The following C13orf46 variants were observed in gnomAD, a reference collection of about 807,000 sequenced individuals.
C13orf46 encodes the protein uncharacterized protein C13orf46.
chr13:113,932,657 C>T, the C13orf46 span, among the ~76,000 whole-genome samples: 1 of 152,208 alleles, frequency 6.6e-6, no homozygotes, highest in Non-Finnish European at 1.5e-5. Flanking sequence ...AATAATTTCT[C>T]CAGCTTGGCA....
the C13orf46 span, among the ~76,000 whole-genome samples, chr13:113,930,901 G>A: frequency 1.3e-5 from 2 of 152,214 alleles, no homozygotes; most frequent in African/African-American, 2.4e-5. Context: ...AGGTCTCTTG[G>A]GCTGACCTCA....
chr13:113,944,337 G>A, the C13orf46 span, among the ~76,000 whole-genome samples: 34 of 152,318 alleles, frequency 2.2e-4, no homozygotes, highest in African/African-American at 7.5e-4. Flanking sequence ...TTCTGATCCC[G>A]GCTCTGCTGA....
chr13:113,935,449 G>C, the C13orf46 span, among the ~76,000 whole-genome samples: 1 of 152,256 alleles, frequency 6.6e-6, no homozygotes, highest in East Asian at 1.9e-4. Context: ...GACAAACAGA[G>C]CCCGGGGTAG....
At chr13:113,958,694 AC>A (rs2052562685) in intron 6 of C13orf46, among the ~76,000 whole-genome samples, 1 of 152,216 alleles carries the variant, frequency 6.6e-6, no homozygotes, top group African/African-American at 2.4e-5. Flanking sequence ...TAAGACTTCC[AC>A]GTAAAACAAA....
chr13:113,950,759 G>A (rs1199876001), downstream of C13orf46, among the ~76,000 whole-genome samples: 1 of 152,210 alleles, frequency 6.6e-6, no homozygotes, highest in East Asian at 1.9e-4. Context: ...GGGTTCAGCA[G>A]GAGCCGGCGC....
chr13:113,962,210 T>C (rs1281246321), intron 6 of C13orf46, among the ~76,000 whole-genome samples: 2 of 152,144 alleles, frequency 1.3e-5, no homozygotes, highest in African/African-American at 2.4e-5. Context: ...GAGACCATCC[T>C]GGCTAACACG....
chr13:113,960,481 G>A (rs1187112447), intron 6 of C13orf46, among the ~76,000 whole-genome samples: 6 of 152,150 alleles, frequency 3.9e-5, no homozygotes, highest in Admixed American at 1.3e-4. Context: ...CAGGTCGTGC[G>A]TGGCTGCCTC....
chr13:113,940,615 G>A, the C13orf46 span, among the ~76,000 whole-genome samples: 13 of 12,454 alleles, frequency 1.0e-3, no homozygotes, highest in African/African-American at 4.0e-3. Context: ...GAGGCTGAGC[G>A]TTCGAGATCC....
chr13:113,973,181 G>A (rs2052727021), intron 1 of C13orf46, among the ~76,000 whole-genome samples: 1 of 152,210 alleles, frequency 6.6e-6, no homozygotes. Context: ...GAGATAAACG[G>A]CCACAGGCCT....
At chr13:113,944,438 AG>A in the C13orf46 span, among the ~76,000 whole-genome samples, 2 of 152,234 alleles carry the variant, frequency 1.3e-5, no homozygotes, top group East Asian at 1.9e-4. Context: ...ATGGGGAGAA[AG>A]GTCCTCCTTA....
At chr13:113,957,548 C>A (rs1415176768) in intron 6 of C13orf46, among the ~76,000 whole-genome samples, 6 of 119,496 alleles carry the variant, frequency 5.0e-5, no homozygotes, top group Admixed American at 8.5e-5. Flanking sequence ...TGCACTCTGC[C>A]TGCACCCCCT....
At chr13:113,967,883 T>G (rs1166185654) in intron 4 of C13orf46, among the ~76,000 whole-genome samples, 2 of 152,118 alleles carry the variant, frequency 1.3e-5, no homozygotes, top group Non-Finnish European at 2.9e-5. Flanking sequence ...GGCTCAGGGT[T>G]TTGCTGTCCC....
chr13:113,948,507 C>A, the C13orf46 span, among the ~76,000 whole-genome samples: 1 of 152,208 alleles, frequency 6.6e-6, no homozygotes, highest in Non-Finnish European at 1.5e-5. Context: ...AACTGGGCCA[C>A]GAAACTGACA....
intron 6 of C13orf46, among the ~76,000 whole-genome samples, chr13:113,960,509 A>G (rs2052578888): frequency 6.6e-6 from 1 of 152,188 alleles, no homozygotes; most frequent in African/African-American, 2.4e-5. Context: ...TCTCCCCTTA[A>G]GAAGGCCTGG....
chr13:113,968,913 T>C (rs1364495257), intron 2 of C13orf46, among the ~76,000 whole-genome samples, 153 bp from the exon 3 acceptor site: 1 of 152,178 alleles, frequency 6.6e-6, no homozygotes, highest in African/African-American at 2.4e-5. Flanking sequence ...CACAGAGTTC[T>C]GGCTCTGAAG....
At chr13:113,970,278 G>A (rs1271976123) in intron 1 of C13orf46, 56 bp from the exon 2 acceptor site, 1 of 152,568 alleles carries the variant, frequency 6.6e-6, no homozygotes, top group Admixed American at 6.5e-5. Flanking sequence ...CCGGAGCTCA[G>A]GACCTGCCCC....
At chr13:113,944,163 G>A in the C13orf46 span, among the ~76,000 whole-genome samples, 1 of 152,244 alleles carries the variant, frequency 6.6e-6, no homozygotes, top group East Asian at 1.9e-4. Flanking sequence ...CCCTCAGGTG[G>A]CAGGGCTCAT....
chr13:113,946,967 C>T, the C13orf46 span, among the ~76,000 whole-genome samples: 2 of 152,212 alleles, frequency 1.3e-5, no homozygotes, highest in East Asian at 3.9e-4. Context: ...CGAAGGCACC[C>T]GTGGTTACTG....
At chr13:113,952,646 C>T (rs1040853037), downstream of C13orf46, among the ~76,000 whole-genome samples, 13 of 152,220 alleles carry the variant, frequency 8.5e-5, no homozygotes, top group South Asian at 2.1e-4. Context: ...AAAGCCCAGG[C>T]GGCATCTGTG....
Sources: allele counts gnomAD v4.1 joint callset (sites outside exome capture counted in the v4.1 genomes callset), GRCh38; gene constraint gnomAD v4.1.1; transcripts MANE v1.5; gene names NCBI Gene and HGNC (gene_info 2026-07-23, HGNC 2026-07-21).